PGD: variants seen among roughly 807,000 people sequenced by gnomAD.
The protein encoded by PGD is 6-phosphogluconate dehydrogenase, decarboxylating.
A neutral mutation model predicts 60.4 loss-of-function variants in PGD; 21 were observed. That is an observed-to-expected ratio of 0.35 (90% CI 0.25 to 0.50). The LOEUF is 0.50. Ranked by LOEUF, PGD falls within the 20% of genes least tolerant of loss-of-function variation. The probability of loss-of-function intolerance (pLI) is 0.98; values close to 1 mark genes in which losing one functional copy is unlikely to be tolerated. For synonymous variants in PGD, 230 were observed against 235.9 expected (o/e 0.97, Z 0.23); for missense variants, 477 against 613.1 (o/e 0.78, Z 2.34).
Position 10,413,125 on chromosome 1 carries a change from C to T in PGD, c.718C>T (p.Leu240Phe), listed in dbSNP as rs369690008. The T allele has an allele frequency of 2.0e-5, 32 of 1,613,950 alleles. No homozygotes were observed. The highest frequency in any genetic ancestry group is 2.5e-5 in the Non-Finnish European group (30 of 1,179,974). The part of the protein sequence containing the change: ...SFLIEITANI[L>F]KFQDTDGKHL... ...CCTGATTGAAATCACAGCCAATATT[C>T]TCAAGTTCCAAGACACCGATGGCAA... The change falls in exon 8 of 13, where the codon CTC becomes TTC. Residue 240 changes from leucine to phenylalanine, a missense_variant. Coordinates refer to ENST00000270776, the MANE Select transcript of PGD (RefSeq NM_002631.4).
intron 11 of PGD, among the ~76,000 whole-genome samples, 176 bp downstream of exon 11, chr1:10,419,101 T>C (rs936448460): frequency 2.6e-5 from 4 of 150,980 alleles, no homozygotes; most frequent in Non-Finnish European, 5.9e-5. Context: ...CTCCGCCTCC[T>C]GGGTTCAAGC....
At chr1:10,411,635 A>G (rs1248032801) in intron 7 of PGD, 83 bp downstream of exon 7, 4 of 1,545,920 alleles carry the variant, frequency 2.6e-6, no homozygotes, top group South Asian at 1.1e-5. Flanking sequence ...CTTCATTCCT[A>G]TCCCCTTGGC....
chr1:10,405,598 G>A lies in PGD; in HGVS notation c.449+1319G>A, dbSNP rs140013652. On this transcript the variant is annotated intron_variant, in intron 5 of 12. Coordinates refer to ENST00000270776, the MANE Select transcript of PGD (RefSeq NM_002631.4). ...CTCACGCCTGTAATCCCAGCACTTT[G>A]GGAGACTGAGATGGGAGGATCACTT... 7.7e-3 allele frequency among the ~76,000 whole-genome samples: 1,165 copies of A among 151,098 alleles called. 12 individuals are homozygous for A. The highest frequency in any genetic ancestry group is 0.034 in the Middle Eastern group (10 of 292).
chr1:10,403,218 G>A (rs111387947), intron 4 of PGD, 82 bp downstream of exon 4: 5 of 917,782 alleles, frequency 5.4e-6, no homozygotes, highest in Non-Finnish European at 7.3e-6. Flanking sequence ...GTGACAGTAG[G>A]GTGAACTGCC....
chr1:10,419,700 A>C lies in PGD; in HGVS notation c.1403A>C (p.Asn468Thr). The C allele has an allele frequency of 1.2e-6, 2 of 1,614,130 alleles. No homozygotes were observed. The highest frequency in any genetic ancestry group is 1.7e-6 in the Non-Finnish European group (2 of 1,180,008). Residue 468 changes from asparagine (N) to threonine (T), a missense_variant, in exon 13 of 13, where the codon AAC becomes ACC. Asn to Thr is a moderately conservative substitution (Grantham distance 65). Coordinates refer to ENST00000270776, the MANE Select transcript of PGD (RefSeq NM_002631.4). ...AAACCAGGGCAGTTTATCCACACCAACTGGACAGGCCATGGTGGCACCGTG... is the reference window on the plus strand; with the variant it reads ...AAACCAGGGCAGTTTATCCACACCACCTGGACAGGCCATGGTGGCACCGTG... ...LAKPGQFIHT[N>T]WTGHGGTVSS...
intron 6 of PGD, among the ~76,000 whole-genome samples, chr1:10,411,154 AG>A: frequency 6.6e-6 from 1 of 152,166 alleles, no homozygotes; most frequent in Non-Finnish European, 1.5e-5. Context: ...GAGAGCCATA[AG>A]TATTGAAAGT....
chr1:10,416,274 A>G (rs1047961850), intron 8 of PGD, among the ~76,000 whole-genome samples: 39 of 152,266 alleles, frequency 2.6e-4, no homozygotes, highest in African/African-American at 8.7e-4. Context: ...AGTGGTTTCT[A>G]TCTCTTCATT....
intron 6 of PGD, among the ~76,000 whole-genome samples, chr1:10,410,466 A>C (rs981444654): frequency 6.6e-6 from 1 of 151,832 alleles, no homozygotes; most frequent in East Asian, 1.9e-4. Context: ...AACACGGACA[A>C]TGGAGTCCTG....
chr1:10,407,771 C>T (rs910210874), intron 5 of PGD, among the ~76,000 whole-genome samples: 1 of 151,862 alleles, frequency 6.6e-6, no homozygotes, highest in Non-Finnish European at 1.5e-5. Flanking sequence ...CATGGCAAAA[C>T]CCCATCTCTA....
intron 6 of PGD, among the ~76,000 whole-genome samples, chr1:10,410,624 T>C (rs1243335506): frequency 2.6e-5 from 4 of 151,696 alleles, no homozygotes; most frequent in Non-Finnish European, 5.9e-5. Context: ...TGCCATGAAC[T>C]GTTTGGCTCT....
chr1:10,416,714 GA>G (rs1639601267), intron 8 of PGD, among the ~76,000 whole-genome samples: 1 of 152,146 alleles, frequency 6.6e-6, no homozygotes. Flanking sequence ...GGGCAGGGCC[GA>G]GGGGTCACAA....
chr1:10,410,493 T>C (rs1639481979), intron 6 of PGD, among the ~76,000 whole-genome samples: 1 of 151,556 alleles, frequency 6.6e-6, no homozygotes, highest in Non-Finnish European at 1.5e-5. Flanking sequence ...GCGTCAGTTA[T>C]ACAACTGACG....
At chr1:10,417,562 G>T in intron 10 of PGD, 53 bp downstream of exon 10, 2 of 1,553,434 alleles carry the variant, frequency 1.3e-6, no homozygotes, top group East Asian at 2.3e-5. Context: ...CGGCTGTGCA[G>T]AAGTGCGATC....
rs1484823031 is a variant in PGD, at chr1:10,408,540, T to C, written c.519+400T>C. ...GAAGGTACTGTTGCTGTGTCAACAT[T>C]CCATGAACGTGGAAAATTCCCCATC... On this transcript the variant is annotated intron_variant, in intron 6 of 12. Transcript: ENST00000270776. Among the ~76,000 whole-genome samples, 4 of 152,206 alleles carry C rather than the reference T, an allele frequency of 2.6e-5. No homozygotes were observed. In the East Asian group the frequency reaches 7.7e-4, roughly 29 times the overall value.
intron 4 of PGD, 66 bp downstream of exon 4, chr1:10,403,202 G>T: frequency 1.8e-6 from 2 of 1,109,314 alleles, no homozygotes; most frequent in East Asian, 2.4e-5. Context: ...TGTCAGCATC[G>T]CATATGTGAC....
chr1:10,416,881 C>T, intron 8 of PGD, 106 bp from the exon 9 acceptor site: 1 of 1,012,632 alleles, frequency 9.9e-7, no homozygotes, highest in Admixed American at 2.2e-5. Flanking sequence ...TCACTTGCTT[C>T]AGGCCATCTG....
At chr1:10,403,264 C>G in intron 4 of PGD, 128 bp downstream of exon 4, 3 of 672,862 alleles carry the variant, frequency 4.5e-6, no homozygotes, top group South Asian at 3.4e-5. Context: ...ACTACTGATA[C>G]AATAGTTCTC....
At chr1:10,418,573 C>A (rs186867606) in intron 10 of PGD, among the ~76,000 whole-genome samples, 1 of 151,958 alleles carries the variant, frequency 6.6e-6, no homozygotes, top group Admixed American at 6.6e-5. Context: ...TCAGGAGATC[C>A]AGACCATCCT....
At chr1:10,402,988 A>T in intron 3 of PGD, 83 bp from the exon 4 acceptor site, 1 of 948,262 alleles carries the variant, frequency 1.1e-6, no homozygotes, top group Non-Finnish European at 1.7e-6. Context: ...GACTATGTTT[A>T]TTTGGAATAA....
Sources: allele counts gnomAD v4.1 joint callset (sites outside exome capture counted in the v4.1 genomes callset), GRCh38; gene constraint gnomAD v4.1.1; transcripts MANE v1.5; gene names NCBI Gene and HGNC (gene_info 2026-07-23, HGNC 2026-07-21).